PSTPIP2: variants seen among roughly 807,000 people sequenced by gnomAD.
PSTPIP2 encodes the protein proline-serine-threonine phosphatase interacting protein 2.
In PSTPIP2, 33 loss-of-function variants were observed where a neutral mutation model predicts 63.3. The observed-to-expected ratio is 0.52, with a 90% CI of 0.40 to 0.70. PSTPIP2 has a LOEUF of 0.70. Among genes scored for constraint, PSTPIP2 ranks in the 30% least tolerant of loss-of-function variants. The pLI is 0.00. For synonymous variants in PSTPIP2, 125 were observed against 132.7 expected, an observed-to-expected ratio of 0.94 and a Z score of 0.40; for missense variants, 312 against 400.7, an observed-to-expected ratio of 0.78 and a Z score of 1.89.
intron 1 of PSTPIP2, chr18:46,040,416 G>C (rs1908150135): frequency 5.7e-6 from 1 of 176,218 alleles, no homozygotes; most frequent in Admixed American, 5.6e-5. Context: ...TCAGAAACCA[G>C]GACTCTCACC....
chr18:46,005,926 G>A lies in PSTPIP2; in HGVS notation c.355-395C>T, dbSNP rs112358783. Among the ~76,000 whole-genome samples the A allele has an allele frequency of 2.4e-3, 360 of 152,198 alleles. 4 individuals are homozygous for A. The highest frequency in any genetic ancestry group is 8.3e-3 in the African/African-American group (346 of 41,520). ...AGTATACATCAGCACAGTTAAATTC[G>A]GTACTTGTAAACATTCATTTCTGCA... On this transcript the variant is annotated intron_variant, in intron 5 of 14. Transcript: ENST00000409746.
intron 1 of PSTPIP2, among the ~76,000 whole-genome samples, chr18:46,049,476 A>C (rs1051195146): frequency 6.6e-6 from 1 of 152,224 alleles, no homozygotes; most frequent in Non-Finnish European, 1.5e-5. Flanking sequence ...AAAGTTTAAA[A>C]AAAAAAGATA....
intron 2 of PSTPIP2, chr18:46,028,288 A>G: frequency 2.2e-6 from 1 of 450,670 alleles, no homozygotes; most frequent in Admixed American, 3.1e-5. Context: ...AGCGAAGCCG[A>G]AGCGTTAGCC....
In PSTPIP2 at chr18:45,999,533, G is replaced by T; in HGVS notation, c.419C>A (p.Ala140Glu). 1 of 1,614,056 alleles carries T rather than the reference G, an allele frequency of 6.2e-7. No individual in the cohort carries two copies. Reference sequence around the variant, plus strand: ...GCATTTCTGCTCATAGTTCTTCTTTGCCTTTGTCATTATGAACAAAGAGAA... The same window carrying T: ...GCATTTCTGCTCATAGTTCTTCTTTTCCTTTGTCATTATGAACAAAGAGAA... ...KSLQFKKTMDAKKNYEQKCRD... is the reference protein window; with the variant it reads ...KSLQFKKTMDEKKNYEQKCRD... The change falls in exon 7 of 15, where the codon GCA becomes GAA. Residue 140 changes from alanine to glutamate, a missense_variant and splice_region_variant. Coordinates refer to ENST00000409746, the MANE Select transcript of PSTPIP2 (RefSeq NM_024430.4).
chr18:46,036,815 C>T (rs537227725), intron 2 of PSTPIP2, among the ~76,000 whole-genome samples: 3 of 152,294 alleles, frequency 2.0e-5, no homozygotes, highest in African/African-American at 7.2e-5. Context: ...TATAGCATCT[C>T]CCTCTTCCCC....
rs1171224678 is a variant in PSTPIP2, at chr18:45,991,890, G to A, written c.920+12C>T. On this transcript the variant is annotated intron_variant, in intron 12 of 14. Transcript: ENST00000409746. The stretch of plus-strand genomic sequence containing the variant: ...AGTATTTTTCTTCATATGAAAGGCA[G>A]CTGGTTATTACCTTGCCAAGTTAGG... The A allele has an allele frequency of 6.3e-7, 1 of 1,576,600 alleles. No individual in the cohort carries two copies. The highest frequency in any genetic ancestry group is 1.8e-5 in the Admixed American group (1 of 56,886).
At chr18:46,023,559 C>A (rs200686104) in intron 3 of PSTPIP2, among the ~76,000 whole-genome samples, 1 of 151,426 alleles carries the variant, frequency 6.6e-6, no homozygotes, top group African/African-American at 2.4e-5. Flanking sequence ...AACTCCTTCT[C>A]AAAAAGAAAA....
intron 9 of PSTPIP2, among the ~76,000 whole-genome samples, chr18:45,995,644 T>C (rs1474672024): frequency 6.6e-6 from 1 of 152,166 alleles, no homozygotes; most frequent in Non-Finnish European, 1.5e-5. Flanking sequence ...GCCAAGGGAT[T>C]CTGGTGCCCT....
intron 12 of PSTPIP2, 129 bp from the exon 13 acceptor site, chr18:45,990,885 A>G (rs1309456796): frequency 1.5e-6 from 1 of 672,170 alleles, no homozygotes; most frequent in Non-Finnish European, 2.4e-6. Context: ...AAGAAAGCTC[A>G]CCTAAAGCAA....
At chr18:46,033,241 T>C (rs571798787) in intron 2 of PSTPIP2, among the ~76,000 whole-genome samples, 27 of 152,354 alleles carry the variant, frequency 1.8e-4, no homozygotes, top group African/African-American at 6.3e-4. Context: ...TACATTCTTT[T>C]GGGCACAGGT....
intron 1 of PSTPIP2, among the ~76,000 whole-genome samples, chr18:46,047,627 T>C (rs533472515): frequency 1.5e-4 from 23 of 152,124 alleles, no homozygotes; most frequent in African/African-American, 5.5e-4. Context: ...GAAACAGAGG[T>C]TGTGGTGAGC....
intron 6 of PSTPIP2, 119 bp downstream of exon 6, chr18:46,005,350 T>G: frequency 1.2e-6 from 1 of 841,678 alleles, no homozygotes; most frequent in Non-Finnish European, 1.8e-6. Context: ...CCTAAAACAC[T>G]GCACTAATAA....
intron 2 of PSTPIP2, among the ~76,000 whole-genome samples, chr18:46,032,814 C>T (rs1380738983): frequency 6.6e-6 from 1 of 150,586 alleles, no homozygotes; most frequent in African/African-American, 2.4e-5. Context: ...GAAAAACAAC[C>T]CATGACAAAC....
intron 2 of PSTPIP2, among the ~76,000 whole-genome samples, chr18:46,034,684 G>A (rs923680000): frequency 1.2e-4 from 19 of 152,022 alleles, no homozygotes; most frequent in South Asian, 2.1e-4. Context: ...CAGATTCCAG[G>A]GCCCAAATTT....
intron 13 of PSTPIP2, 100 bp downstream of exon 13, chr18:45,990,622 G>T (rs905073800): frequency 3.9e-6 from 4 of 1,023,950 alleles, no homozygotes; most frequent in Admixed American, 2.1e-5. Context: ...TGGAGACAGG[G>T]TTTCACCATG....
At chr18:45,987,878 G>A (rs2051483557) in intron 14 of PSTPIP2, among the ~76,000 whole-genome samples, 2 of 152,190 alleles carry the variant, frequency 1.3e-5, no homozygotes. Flanking sequence ...TGGCTTAGCA[G>A]TGTTCAGTCC....
At chr18:46,062,308 T>C (rs1437699558) in intron 1 of PSTPIP2, among the ~76,000 whole-genome samples, 1 of 152,062 alleles carries the variant, frequency 6.6e-6, no homozygotes, top group Non-Finnish European at 1.5e-5. Flanking sequence ...CAAGGAGTGG[T>C]ACCCTATCGC....
chr18:45,990,742 G>C lies in PSTPIP2; in HGVS notation c.935C>G (p.Pro312Arg), dbSNP rs1456799447. 2 of 1,605,840 alleles carry C rather than the reference G, an allele frequency of 1.2e-6. No individual in the cohort carries two copies. Among genetic ancestry groups the C allele is most frequent in the Admixed American group, 3.3e-5 (2 of 59,774 alleles). ...GPNLARRGPL[P>R]IPKSSPDDPN... ...CATACCTGGTGAGCTTTTAGGAATT[G>C]GGAGGGGTCCTCTCCTGTAAGAAAT... The change falls in exon 13 of 15, where the codon CCA (proline) becomes CGA (arginine). Residue 312 changes from proline (P) to arginine (R), a missense_variant. Physicochemically the swap from Pro to Arg is moderately radical, Grantham distance 103. Coordinates refer to ENST00000409746, the MANE Select transcript of PSTPIP2 (RefSeq NM_024430.4).
intron 6 of PSTPIP2, among the ~76,000 whole-genome samples, chr18:46,000,615 G>A (rs368271153): frequency 6.6e-6 from 1 of 152,256 alleles, no homozygotes; most frequent in Non-Finnish European, 1.5e-5. Flanking sequence ...TGATCCACCC[G>A]CCTCGGCCTC....
Sources: gnomAD v4.1 joint callset for allele counts (sites outside exome capture counted in the v4.1 genomes callset) on GRCh38, gnomAD v4.1.1 for gene constraint, MANE v1.5 for transcripts, NCBI Gene and HGNC (gene_info 2026-07-23, HGNC 2026-07-21) for gene names.